ZEB2: variants seen among roughly 807,000 people sequenced by gnomAD.
ZEB2 encodes zinc finger E-box binding homeobox 2.
In ZEB2, 6 loss-of-function variants were observed where a neutral mutation model predicts 99.9. The observed-to-expected ratio is 0.06, with a 90% confidence interval of 0.03 to 0.12. The LOEUF (loss-of-function observed/expected upper bound fraction) is 0.12. Ranked by LOEUF, ZEB2 falls within the 10% of genes least tolerant of loss-of-function variation. The probability of loss-of-function intolerance (pLI) is 1.00; values close to 1 mark genes in which losing one functional copy is unlikely to be tolerated. For synonymous variants in ZEB2, 517 were observed against 542.5 expected (o/e 0.95, Z 0.65); for missense variants, 969 against 1,502.8 (o/e 0.64, Z 5.87).
chr2:144,413,972 T>C (rs748783868), intron 4 of ZEB2, among the ~76,000 whole-genome samples: 2 of 152,226 alleles, frequency 1.3e-5, no homozygotes, highest in African/African-American at 2.4e-5. Flanking sequence ...TCCCCTATGC[T>C]AACGATGCGA....
chr2:144,514,168 G>T, intron 2 of ZEB2: 1 of 222,936 alleles, frequency 4.5e-6, no homozygotes, highest in Non-Finnish European at 9.0e-6. Context: ...TTCTCTCTTT[G>T]TACATTTATT....
intron 2 of ZEB2, among the ~76,000 whole-genome samples, chr2:144,501,324 C>G (rs192702147): frequency 1.2e-4 from 19 of 152,262 alleles, no homozygotes; most frequent in Non-Finnish European, 2.4e-4. Context: ...TGAATGAGTC[C>G]TGGGCTAGGC....
chr2:144,437,830 A>G (rs1295786382), intron 2 of ZEB2, among the ~76,000 whole-genome samples: 2 of 152,200 alleles, frequency 1.3e-5, no homozygotes, highest in African/African-American at 2.4e-5. Flanking sequence ...CAAAGCCCAT[A>G]AAAGGTGTAA....
At chr2:144,412,953 G>A (rs1703485665) in intron 4 of ZEB2, among the ~76,000 whole-genome samples, 1 of 152,152 alleles carries the variant, frequency 6.6e-6, no homozygotes. Flanking sequence ...ATAATTGAAT[G>A]ATTAGGCAAG....
intron 2 of ZEB2, among the ~76,000 whole-genome samples, chr2:144,479,570 C>A (rs567400731): frequency 2.6e-5 from 4 of 151,374 alleles, no homozygotes; most frequent in Middle Eastern, 7.0e-3. Context: ...CCTGCTGTAG[C>A]CCTTATAAAG....
intron 1 of ZEB2, chr2:144,518,284 C>CT (rs1316244374): frequency 6.6e-6 from 1 of 152,028 alleles, no homozygotes; most frequent in East Asian, 1.9e-4. Flanking sequence ...GGCTTCGAAA[C>CT]TTTTGTACCT....
intron 2 of ZEB2, among the ~76,000 whole-genome samples, chr2:144,514,754 G>GT (rs1705102298): frequency 6.6e-6 from 1 of 152,216 alleles, no homozygotes; most frequent in South Asian, 2.1e-4. Flanking sequence ...AAAAAGACAG[G>GT]TAACAGTCAA....
chr2:144,442,501 T>A (rs35846190), intron 2 of ZEB2, among the ~76,000 whole-genome samples: 13,822 of 152,190 alleles, frequency 0.091, 707 homozygotes, highest in African/African-American at 0.12. Context: ...TTAAGACTTA[T>A]AAGAATAAGA....
intron 4 of ZEB2, among the ~76,000 whole-genome samples, chr2:144,416,481 G>A (rs1277655411): frequency 6.6e-6 from 1 of 152,194 alleles, no homozygotes; most frequent in Admixed American, 6.5e-5. Context: ...GATTCCAACT[G>A]TATTCCTATT....
chr2:144,415,463 T>C (rs755824254), intron 4 of ZEB2, among the ~76,000 whole-genome samples: 1 of 152,216 alleles, frequency 6.6e-6, no homozygotes, highest in Non-Finnish European at 1.5e-5. Flanking sequence ...CTCGTTATTT[T>C]CCTCCCATGC....
chr2:144,403,163 T>C (rs1232949438), intron 6 of ZEB2, among the ~76,000 whole-genome samples: 2 of 152,192 alleles, frequency 1.3e-5, no homozygotes, highest in Non-Finnish European at 2.9e-5. Context: ...GGAGTTTTGA[T>C]GTAACATTTA....
intron 2 of ZEB2, among the ~76,000 whole-genome samples, chr2:144,432,973 C>A (rs906004925): frequency 1.3e-5 from 2 of 152,064 alleles, no homozygotes; most frequent in Non-Finnish European, 2.9e-5. Flanking sequence ...CCTGGAAGTT[C>A]CCATATAACG....
chr2:144,465,930 C>T (rs777411398), intron 2 of ZEB2, among the ~76,000 whole-genome samples: 6 of 152,144 alleles, frequency 3.9e-5, no homozygotes, highest in Non-Finnish European at 7.3e-5. Flanking sequence ...ATCCTCTACA[C>T]CGTCGATTGC....
chr2:144,429,893 C>T lies in ZEB2; in HGVS notation c.207G>A (p.Glu69=), dbSNP rs1703746262. 1 of 1,613,676 alleles carries T rather than the reference C, an allele frequency of 6.2e-7. No homozygotes were observed. Among genetic ancestry groups the T allele is most frequent in the African/African-American group, 1.3e-5 (1 of 74,864 alleles). ...ETSPASVPNH[E]SSPHVSQALL... ...GAGCTTGGCTCACGTGTGGGGAGGA[C>T]TCATGGTTGGGCACACTAGCTGGAC... is the stretch of plus-strand genomic sequence containing the variant. Residue 69 remains glutamate, a synonymous_variant, in exon 3 of 10, where the codon GAG becomes GAA. Coordinates refer to ENST00000627532, the MANE Select transcript of ZEB2 (RefSeq NM_014795.4).
intron 2 of ZEB2, among the ~76,000 whole-genome samples, chr2:144,479,819 C>A (rs780445571): frequency 1.3e-5 from 2 of 152,098 alleles, no homozygotes; most frequent in South Asian, 4.1e-4. Context: ...CCACGCTAAC[C>A]CCAGGGCTCA....
chr2:144,515,017 C>T (rs542841895), intron 2 of ZEB2, among the ~76,000 whole-genome samples: 1 of 152,202 alleles, frequency 6.6e-6, no homozygotes, highest in Non-Finnish European at 1.5e-5. Context: ...AAGCCAGGAT[C>T]CCTCTATTTC....
chr2:144,415,481 T>C (rs1703527493), intron 4 of ZEB2, among the ~76,000 whole-genome samples: 2 of 152,230 alleles, frequency 1.3e-5, no homozygotes, highest in African/African-American at 4.8e-5. Flanking sequence ...TGCTTAATTA[T>C]ATCCTCCTAC....
In ZEB2 at chr2:144,424,777, C is replaced by T. The variant is rs370420734; in HGVS notation, c.403+19G>A. 1.5e-5 allele frequency: 25 copies of T among 1,613,780 alleles called. No individual in the cohort carries two copies. Among genetic ancestry groups the T allele is most frequent in the African/African-American group, 9.3e-5 (7 of 74,914 alleles). On this transcript the variant is annotated intron_variant, in intron 4 of 9. Coordinates refer to ENST00000627532, the MANE Select transcript of ZEB2 (RefSeq NM_014795.4). ...TGACACAGGACAAATGTGATCTGAG[C>T]GTGGCCAACATAACTCACCTGTACC...
At chr2:144,414,655 T>C (rs1266423564) in intron 4 of ZEB2, among the ~76,000 whole-genome samples, 1 of 152,202 alleles carries the variant, frequency 6.6e-6, no homozygotes. Flanking sequence ...TAGTGATTCA[T>C]ACAAAGTTGC....
Sources: allele counts gnomAD v4.1 joint callset (sites outside exome capture counted in the v4.1 genomes callset), GRCh38; gene constraint gnomAD v4.1.1; transcripts MANE v1.5; gene names NCBI Gene and HGNC (gene_info 2026-07-23, HGNC 2026-07-21).